Variants in AHCTF1 observed in about 807,000 individuals in gnomAD.
AHCTF1 encodes protein ELYS.
AHCTF1 carries 24 observed loss-of-function variants against 248.4 expected under a neutral mutation model. That is an observed-to-expected ratio of 0.10 (90% confidence interval 0.07 to 0.14). The LOEUF (loss-of-function observed/expected upper bound fraction) is 0.14, where lower values mean the gene tolerates loss of function less well. Among genes scored for constraint, AHCTF1 ranks in the 10% least tolerant of loss-of-function variants. The probability of loss-of-function intolerance (pLI) is 1.00; values close to 1 mark genes in which losing one functional copy is unlikely to be tolerated. For missense variants in AHCTF1, 2,206 were observed against 2,636.2 expected, an observed-to-expected ratio of 0.84 and a Z score of 3.57; for synonymous variants, 786 against 929.8, an observed-to-expected ratio of 0.85 and a Z score of 2.81.
At chr1:246,868,045 C>T (rs913567949) in intron 24 of AHCTF1, among the ~76,000 whole-genome samples, 1 of 151,820 alleles carries the variant, frequency 6.6e-6, no homozygotes, top group Non-Finnish European at 1.5e-5. Context: ...TCACTGCACC[C>T]TCTGCCTCCT....
Position 246,885,562 on chromosome 1 carries a change from T to A in AHCTF1, c.2591A>T (p.Gln864Leu). Residue 864 changes from glutamine (Q) to leucine (L), a missense_variant, in exon 21 of 36, where the codon CAG becomes CTG. Transcript: ENST00000648844. ...GEHRQALRYI[Q>L]TMKPTVSSGN... ...ACTGGACACTGTTGGCTTCATTGTC[T>A]GAATATATCTGAGGGCTTGTCTGTG... 6.2e-7 allele frequency: 1 copy of A among 1,611,444 alleles called. No individual in the cohort carries two copies. Among genetic ancestry groups the A allele is most frequent in the Non-Finnish European group, 8.5e-7 (1 of 1,178,530 alleles).
At chr1:246,846,701 TATTAC>T (rs1035720664) in intron 33 of AHCTF1, among the ~76,000 whole-genome samples, 1 of 151,750 alleles carries the variant, frequency 6.6e-6, no homozygotes, top group African/African-American at 2.4e-5. Context: ...AAAAAAGAAA[TATTAC>T]GTTTAAGATT....
In AHCTF1 at chr1:246,931,558, C is replaced by T. The variant is rs1209358864; in HGVS notation, c.-8+20G>A. ...GCCCTCCGCCGCGCGGGCCCAACCCCCTCCCTCCCTTCCCCCTACCTGAAC... is the reference window on the plus strand; with the variant it reads ...GCCCTCCGCCGCGCGGGCCCAACCCTCTCCCTCCCTTCCCCCTACCTGAAC... On this transcript the variant is annotated intron_variant, in intron 1 of 35. Coordinates refer to ENST00000648844, the MANE Select transcript of AHCTF1 (RefSeq NM_001323342.2). 9.4e-6 allele frequency: 2 copies of T among 213,596 alleles called. No individual in the cohort carries two copies. Among genetic ancestry groups the T allele is most frequent in the African/African-American group, 4.7e-5 (2 of 42,142 alleles). 13.2% of individuals were successfully genotyped at this position (213,596 alleles called of 1,614,324 possible). A position where few individuals can be genotyped will look rare whatever the true frequency, so the allele number is the denominator to read the frequency against.
At chr1:246,898,480 A>G (rs1454972154) in intron 11 of AHCTF1, 144 bp from the exon 12 acceptor site, 2 of 922,314 alleles carry the variant, frequency 2.2e-6, no homozygotes, top group Admixed American at 3.0e-5. Context: ...TGCAAGAAAC[A>G]GAGTTTATAG....
chr1:246,917,516 C>T (rs1026788453), intron 2 of AHCTF1, among the ~76,000 whole-genome samples: 8 of 152,178 alleles, frequency 5.3e-5, no homozygotes, highest in Admixed American at 4.6e-4. Flanking sequence ...TAAATGATTT[C>T]ATTCTCAGTT....
intron 34 of AHCTF1, 59 bp downstream of exon 34, chr1:246,843,736 T>A: frequency 6.7e-6 from 7 of 1,041,314 alleles, no homozygotes; most frequent in Non-Finnish European, 8.4e-6. Flanking sequence ...TATTAAAACA[T>A]TTGTAAAAAA....
intron 1 of AHCTF1, among the ~76,000 whole-genome samples, chr1:246,927,433 G>A (rs1667017970): frequency 6.6e-6 from 1 of 152,120 alleles, no homozygotes. Context: ...AGGTAGCTGT[G>A]AGCTGAGATG....
chr1:246,863,876 T>A, intron 27 of AHCTF1, 48 bp downstream of exon 27: 1 of 1,574,234 alleles, frequency 6.4e-7, no homozygotes, highest in Non-Finnish European at 8.7e-7. Context: ...ACTTGAAAAG[T>A]AAGAGCCATC....
chr1:246,919,499 G>C (rs1252079449), intron 1 of AHCTF1, among the ~76,000 whole-genome samples: 2 of 150,026 alleles, frequency 1.3e-5, no homozygotes, highest in African/African-American at 2.5e-5. Context: ...GGATCACAAG[G>C]TTAGGAGATC....
At chr1:246,873,946 AAC>A (rs1331782514) in intron 24 of AHCTF1, among the ~76,000 whole-genome samples, 3 of 152,320 alleles carry the variant, frequency 2.0e-5, no homozygotes, top group African/African-American at 7.2e-5. Context: ...ATATTCGTCC[AAC>A]ACAGACTTAC....
At chr1:246,865,429 A>G (rs974122947) in intron 26 of AHCTF1, 1 of 152,224 alleles carries the variant, frequency 6.6e-6, no homozygotes, top group Admixed American at 6.5e-5. Context: ...GTTACTCTGT[A>G]TCAAACACAG....
At chr1:246,923,184 G>A (rs1156518856) in intron 1 of AHCTF1, among the ~76,000 whole-genome samples, 2 of 151,408 alleles carry the variant, frequency 1.3e-5, no homozygotes, top group Non-Finnish European at 2.9e-5. Flanking sequence ...GGAGGCCGAG[G>A]TGGGCAGATC....
chr1:246,864,527 T>C (rs1661811241), intron 26 of AHCTF1, among the ~76,000 whole-genome samples: 1 of 152,096 alleles, frequency 6.6e-6, no homozygotes, highest in South Asian at 2.1e-4. Flanking sequence ...CTACATGTAA[T>C]ATATATAATG....
intron 14 of AHCTF1, among the ~76,000 whole-genome samples, chr1:246,892,265 A>G (rs575991943): frequency 1.3e-5 from 2 of 150,302 alleles, no homozygotes; most frequent in South Asian, 4.2e-4. Context: ...TCTTCATTCT[A>G]AAATCCTTCT....
Position 246,890,039 on chromosome 1 carries a change from T to C in AHCTF1, c.2071A>G (p.Arg691Gly), listed in dbSNP as rs1336940656. The C allele has an allele frequency of 6.8e-6, 11 of 1,612,254 alleles. No homozygotes were observed. The highest frequency in any genetic ancestry group is 4.5e-5 in the East Asian group (2 of 44,790). Residue 691 changes from arginine to glycine, a missense_variant, in exon 17 of 36, where the codon AGG (arginine) becomes GGG (glycine). Transcript: ENST00000648844. Reference sequence around the variant, plus strand: ...ATTACAGGGTAGTTGTAGCATAACCTTGACAACTGCACAGAATCATCTAGA... The same window carrying C: ...ATTACAGGGTAGTTGTAGCATAACCCTGACAACTGCACAGAATCATCTAGA... Reference protein sequence around the residue: ...EGIDDSVQLSRLCYNYPVIQN... With the variant: ...EGIDDSVQLSGLCYNYPVIQN...
intron 24 of AHCTF1, among the ~76,000 whole-genome samples, chr1:246,869,073 T>C (rs542663246): frequency 2.0e-5 from 3 of 151,558 alleles, no homozygotes; most frequent in Non-Finnish European, 4.4e-5. Context: ...CTCGATCTCC[T>C]GACCTCGTGA....
At chr1:246,899,361 A>G in intron 11 of AHCTF1, 90 bp downstream of exon 11, 1 of 1,080,680 alleles carries the variant, frequency 9.3e-7, no homozygotes, top group Non-Finnish European at 1.3e-6. Flanking sequence ...AACAACTGTC[A>G]ATATCACTAA....
Position 246,862,078 on chromosome 1 carries a change from T to A in AHCTF1, c.3616A>T (p.Thr1206Ser). The A allele has an allele frequency of 3.1e-6, 5 of 1,611,866 alleles. No individual in the cohort carries two copies. The highest frequency in any genetic ancestry group is 4.2e-6 in the Non-Finnish European group (5 of 1,178,190). Reference sequence around the variant, plus strand: ...GATGCTAAAGGTGTTGATCGAAGAGTAGACCTCAGGATGGACTGAGGAGTG... The same window carrying A: ...GATGCTAAAGGTGTTGATCGAAGAGAAGACCTCAGGATGGACTGAGGAGTG... ...EFTPQSILRSTLRSTPLASPS... is the reference protein window; with the variant it reads ...EFTPQSILRSSLRSTPLASPS... The change falls in exon 28 of 36, where the codon ACT becomes TCT. Residue 1206 changes from threonine (T) to serine (S), a missense_variant. This residue lies in a region of AHCTF1 where 955 missense variants were observed against 1,055.6 expected (regional missense o/e 0.90). Transcript: ENST00000648844.
intron 29 of AHCTF1, 129 bp from the exon 30 acceptor site, chr1:246,857,943 T>G: frequency 3.9e-6 from 3 of 764,594 alleles, no homozygotes; most frequent in Non-Finnish European, 6.2e-6. Context: ...TGCTGTGTTA[T>G]CAGACTGCTA....
Sources: gnomAD v4.1 joint callset for allele counts (sites outside exome capture counted in the v4.1 genomes callset) on GRCh38, gnomAD v4.1.1 for gene constraint, gnomAD v4.1.1 regional missense constraint, MANE v1.5 for transcripts, NCBI Gene and HGNC (gene_info 2026-07-23, HGNC 2026-07-21) for gene names.